The following ZNF704 variants were observed in gnomAD, a reference collection of about 807,000 sequenced individuals.
ZNF704 encodes zinc finger protein 704.
In ZNF704, 10 loss-of-function variants were observed where a neutral mutation model predicts 44.7. The ratio of observed to expected loss-of-function variants is 0.22; its 90% CI spans 0.14 to 0.38. The LOEUF (loss-of-function observed/expected upper bound fraction) is 0.38. Among genes scored for constraint, ZNF704 ranks in the 10% least tolerant of loss-of-function variants. The pLI is 1.00. For synonymous variants in ZNF704, 211 were observed against 207.6 expected (o/e 1.02, Z -0.14); for missense variants, 390 against 545.5 (o/e 0.71, Z 2.84).
chr8:80,749,371 G>A (rs1806902667), intron 2 of ZNF704, among the ~76,000 whole-genome samples: 1 of 152,114 alleles, frequency 6.6e-6, no homozygotes, highest in Non-Finnish European at 1.5e-5. Flanking sequence ...TACACAGGAT[G>A]CTTGCCATTG....
rs1384832777 is a variant in ZNF704 at position 80,635,289 on chromosome 8, C to T, written c.*6077G>A. 1 of 152,264 alleles carries T rather than the reference C, an allele frequency of 6.6e-6. No homozygotes were observed. Among genetic ancestry groups the T allele is most frequent in the Non-Finnish European group, 1.5e-5 (1 of 68,050 alleles). The allele number at this position is 152,264 out of a possible 1,614,324, so 9.4% of individuals were successfully genotyped here. ...TTAATAAACTCTTCACAACTCCCCT[C>T]TGTTTCCTGGTTCTTGGGAACTCAG... On this transcript the variant is annotated 3_prime_UTR_variant, in exon 9 of 9. Transcript: ENST00000327835.
chr8:80,720,256 G>A (rs924389908), intron 2 of ZNF704, among the ~76,000 whole-genome samples: 2 of 152,196 alleles, frequency 1.3e-5, no homozygotes, highest in Non-Finnish European at 2.9e-5. Flanking sequence ...TCCTTTGGAA[G>A]TCATCCCTAA....
rs543372841 is a variant in ZNF704, at chr8:80,637,063, C to T, written c.*4303G>A. 1 of 150,922 alleles carries T rather than the reference C, an allele frequency of 6.6e-6. No individual in the cohort carries two copies. Among genetic ancestry groups the T allele is most frequent in the Non-Finnish European group, 1.5e-5 (1 of 67,820 alleles). 9.3% of individuals were successfully genotyped at this position (150,922 alleles called of 1,614,324 possible). A position where few individuals can be genotyped will look rare whatever the true frequency, so the allele number is the denominator to read the frequency against. ...CCACCCCCACCCCGTCCCCCTCCCC[C>T]ACCCCCAGGCATTGCACCTGTGGTT... On this transcript the variant is annotated 3_prime_UTR_variant, in exon 9 of 9. Transcript: ENST00000327835.
At position 80,640,465 on chromosome 8, in the gene ZNF704, G is replaced by C. The variant is rs1206250623; in HGVS notation, c.*901C>G. The C allele has an allele frequency of 6.6e-6, 1 of 152,544 alleles. No homozygotes were observed. Among genetic ancestry groups the C allele is most frequent in the African/African-American group, 2.4e-5 (1 of 41,460 alleles). 9.4% of individuals were successfully genotyped at this position (152,544 alleles called of 1,614,324 possible). A position where few individuals can be genotyped will look rare whatever the true frequency, so the allele number is the denominator to read the frequency against. ...TGGCTACAATCTTGACAGACAAGCA[G>C]TAACAAATAGCTCCGAGTTGCCATT... On this transcript the variant is annotated 3_prime_UTR_variant, in exon 9 of 9. Transcript: ENST00000327835.
intron 2 of ZNF704, among the ~76,000 whole-genome samples, chr8:80,769,319 A>G (rs1164093744): frequency 1.3e-5 from 2 of 152,242 alleles, no homozygotes; most frequent in Non-Finnish European, 2.9e-5. Context: ...AATAATATAG[A>G]GAGTTCCCAT....
At chr8:80,784,866 A>C (rs1272138817) in intron 2 of ZNF704, among the ~76,000 whole-genome samples, 1 of 152,146 alleles carries the variant, frequency 6.6e-6, no homozygotes, top group Admixed American at 6.6e-5. Flanking sequence ...ACATTTTTTA[A>C]AATTTATTTT....
chr8:80,851,527 G>A (rs1031365755), intron 1 of ZNF704, among the ~76,000 whole-genome samples: 1 of 140,948 alleles, frequency 7.1e-6, no homozygotes, highest in Non-Finnish European at 1.5e-5. Flanking sequence ...TGAACAATGA[G>A]AACACATGGA....
chr8:80,760,638 G>C (rs1486597264), intron 2 of ZNF704, among the ~76,000 whole-genome samples: 3 of 130,062 alleles, frequency 2.3e-5, no homozygotes, highest in Admixed American at 8.5e-5. Context: ...CCTGGTGACA[G>C]AGCGAGACTC....
intron 2 of ZNF704, among the ~76,000 whole-genome samples, chr8:80,705,153 C>T (rs1246257354): frequency 6.6e-6 from 1 of 152,154 alleles, no homozygotes; most frequent in Non-Finnish European, 1.5e-5. Context: ...GTGGGAGAGC[C>T]TGAGCGTTTA....
rs529288124 is a variant in ZNF704, at chr8:80,820,776, C to T, written c.221+598G>A. ...AATTAGCTGGGCATGGCTGCATATG[C>T]CTGTAGTCCCAGCCAGCTACTCTAG... On this transcript the variant is annotated intron_variant, in intron 2 of 8. Transcript: ENST00000327835. 3.9e-5 allele frequency among the ~76,000 whole-genome samples: 6 copies of T among 152,240 alleles called. No individual in the cohort carries two copies. In the East Asian group the frequency reaches 1.2e-3, roughly 29 times the overall value.
At chr8:80,855,846 T>C (rs567002679) in intron 1 of ZNF704, among the ~76,000 whole-genome samples, 2 of 152,346 alleles carry the variant, frequency 1.3e-5, no homozygotes, top group Non-Finnish European at 2.9e-5. Flanking sequence ...AAGACTATAG[T>C]GAAACAAACT....
At chr8:80,865,211 C>A (rs1281414653) in intron 1 of ZNF704, among the ~76,000 whole-genome samples, 1 of 152,144 alleles carries the variant, frequency 6.6e-6, no homozygotes, top group Admixed American at 6.5e-5. Flanking sequence ...TAAATTGCCA[C>A]CCATGTCTAA....
intron 1 of ZNF704, among the ~76,000 whole-genome samples, chr8:80,871,407 C>T (rs1348731668): frequency 2.6e-5 from 4 of 152,196 alleles, no homozygotes; most frequent in African/African-American, 7.2e-5. Flanking sequence ...AAAGCTCTTC[C>T]CATGCGAAAT....
At position 80,874,644 on chromosome 8, in the gene ZNF704, T is replaced by C. The variant is rs188498737; in HGVS notation, c.-95A>G. On this transcript the variant is annotated 5_prime_UTR_variant, in exon 1 of 9. An upstream start codon of the reference 5' UTR is lost. Transcript: ENST00000327835. The surrounding 1 kb of genome is among the most constrained non-coding windows in gnomAD (Gnocchi z 4.4). ...AGGGCAAACGCTTAACCGCAGCCCA[T>C]TCTTCCCTCCGGAGGGAGGGGAGTA... 6.6e-6 allele frequency: 1 copy of C among 151,946 alleles called. No individual in the cohort carries two copies. Among genetic ancestry groups the C allele is most frequent in the Admixed American group, 6.5e-5 (1 of 15,280 alleles). The allele number at this position is 151,946 out of a possible 1,614,324, so 9.4% of individuals were successfully genotyped here.
chr8:80,824,826 G>C (rs1481573117), intron 1 of ZNF704, among the ~76,000 whole-genome samples: 1 of 152,184 alleles, frequency 6.6e-6, no homozygotes, highest in South Asian at 2.1e-4. Context: ...GCCAAACTAA[G>C]CTTCATAAGT....
At chr8:80,787,741 A>G (rs1336883560) in intron 2 of ZNF704, among the ~76,000 whole-genome samples, 1 of 152,154 alleles carries the variant, frequency 6.6e-6, no homozygotes, top group Non-Finnish European at 1.5e-5. Flanking sequence ...TGAGATCTGT[A>G]GTACAAAACT....
intron 2 of ZNF704, among the ~76,000 whole-genome samples, chr8:80,771,431 CAATT>C (rs2129660366): frequency 6.6e-6 from 1 of 152,134 alleles, no homozygotes; most frequent in South Asian, 2.1e-4. Flanking sequence ...ATTAGATTTA[CAATT>C]AAGTATATAT....
chr8:80,823,279 T>A (rs918937389), intron 1 of ZNF704, among the ~76,000 whole-genome samples: 1 of 152,224 alleles, frequency 6.6e-6, no homozygotes, highest in Non-Finnish European at 1.5e-5. Context: ...CTATATCCCG[T>A]GCCTGGCTCG....
chr8:80,795,384 G>T (rs1273180890), intron 2 of ZNF704, among the ~76,000 whole-genome samples: 1 of 152,186 alleles, frequency 6.6e-6, no homozygotes, highest in Non-Finnish European at 1.5e-5. Context: ...TACTTAGACT[G>T]TCATCCAAAA....
Sources: allele counts gnomAD v4.1 joint callset (sites outside exome capture counted in the v4.1 genomes callset), GRCh38; gene constraint gnomAD v4.1.1; non-coding constraint Gnocchi (gnomAD v3.1); transcripts MANE v1.5; gene names NCBI Gene and HGNC (gene_info 2026-07-23, HGNC 2026-07-21).